The following CA10 variants were observed in gnomAD, a reference collection of about 807,000 sequenced individuals.
CA10 encodes the protein carbonic anhydrase-related protein 10.
A neutral mutation model predicts 44.2 loss-of-function variants in CA10; 14 were observed. That is an observed-to-expected ratio of 0.32 (90% confidence interval 0.21 to 0.50). The LOEUF is 0.50. Ranked by LOEUF, CA10 falls within the 20% of genes least tolerant of loss-of-function variation. The pLI, the probability that CA10 is intolerant of heterozygous loss-of-function variation, is 0.99. For missense variants in CA10, 350 were observed against 409.7 expected, an observed-to-expected ratio of 0.85 and a Z score of 1.26; for synonymous variants, 159 against 141.6, an observed-to-expected ratio of 1.12 and a Z score of -0.87.
At chr17:51,943,075 A>G (rs961293768) in intron 2 of CA10, among the ~76,000 whole-genome samples, 5 of 152,012 alleles carry the variant, frequency 3.3e-5, no homozygotes, top group African/African-American at 1.2e-4. Flanking sequence ...TCATTTCAAT[A>G]CCCCCAATAA....
chr17:52,077,415 C>T (rs147804424), intron 1 of CA10, among the ~76,000 whole-genome samples: 6 of 152,196 alleles, frequency 3.9e-5, no homozygotes, highest in African/African-American at 1.4e-4. Context: ...GGCTTTGAAG[C>T]CCATACTATT....
At chr17:52,080,736 A>T (rs1255815915) in intron 1 of CA10, among the ~76,000 whole-genome samples, 1 of 151,816 alleles carries the variant, frequency 6.6e-6, no homozygotes, top group East Asian at 1.9e-4. Context: ...TCCCCCCGAA[A>T]TTCCTTCTTT....
intron 2 of CA10, among the ~76,000 whole-genome samples, chr17:51,985,696 T>A (rs796762777): frequency 2.6e-5 from 4 of 152,074 alleles, no homozygotes; most frequent in African/African-American, 9.6e-5. Context: ...TCAGTAGCTG[T>A]CCTATACACC....
In CA10 at chr17:51,975,895, C is replaced by CA. The variant is rs796344636; in HGVS notation, c.137-44764dup. Among the ~76,000 whole-genome samples, 5 of 127,938 alleles carry CA rather than the reference C, an allele frequency of 3.9e-5. 1 individual carries two copies. Among genetic ancestry groups the CA allele is most frequent in the African/African-American group, 1.4e-4 (5 of 34,570 alleles). 83.9% of individuals were successfully genotyped at this position (127,938 alleles called of 152,430 possible). ...CGGAAAAAAAAAAAAAAAAAAAAAG[C>CA]AAGAGTCAACTATATGCTGTTTATA... On this transcript the variant is annotated intron_variant, in intron 2 of 8. Transcript: ENST00000451037.
intron 2 of CA10, among the ~76,000 whole-genome samples, chr17:51,961,177 A>G (rs532325912): frequency 1.0e-4 from 13 of 129,584 alleles, no homozygotes; most frequent in African/African-American, 3.7e-4. Flanking sequence ...CTCTCTCTGT[A>G]TGTACACACA....
intron 2 of CA10, among the ~76,000 whole-genome samples, chr17:51,939,881 G>A (rs1983011704): frequency 6.6e-6 from 1 of 151,768 alleles, no homozygotes; most frequent in Non-Finnish European, 1.5e-5. Flanking sequence ...TGCTATATAA[G>A]GATTTTACCA....
At chr17:51,663,231 G>T (rs113353504) in intron 4 of CA10, among the ~76,000 whole-genome samples, 150,069 of 150,070 alleles carry the variant, frequency 1, 75,034 homozygotes, top group Middle Eastern at 1. Context: ...AATGCGTTTC[G>T]AGACCACTTT....
chr17:52,053,332 T>G (rs1350675811), intron 2 of CA10, among the ~76,000 whole-genome samples: 2 of 151,842 alleles, frequency 1.3e-5, no homozygotes, highest in Non-Finnish European at 2.9e-5. Context: ...AACAAATAGA[T>G]AAACATAACC....
At chr17:51,818,208 T>C (rs1336494673) in intron 3 of CA10, among the ~76,000 whole-genome samples, 1 of 152,208 alleles carries the variant, frequency 6.6e-6, no homozygotes, top group Non-Finnish European at 1.5e-5. Context: ...GTAATCCTTA[T>C]CTTACCTCAC....
intron 3 of CA10, among the ~76,000 whole-genome samples, chr17:51,808,740 GT>G (rs1907236585): frequency 6.6e-6 from 1 of 152,162 alleles, no homozygotes; most frequent in African/African-American, 2.4e-5. Context: ...CATATAGCAT[GT>G]CTCAACTAAG....
chr17:52,113,363 G>A (rs561901875), intron 1 of CA10, among the ~76,000 whole-genome samples: 175 of 151,690 alleles, frequency 1.2e-3, no homozygotes, highest in Non-Finnish European at 1.8e-3. Context: ...TTTTCCTTAC[G>A]GCCAGGTTAA....
intron 1 of CA10, among the ~76,000 whole-genome samples, chr17:52,076,745 A>G (rs1443398330): frequency 6.6e-6 from 1 of 152,202 alleles, no homozygotes; most frequent in Admixed American, 6.5e-5. Flanking sequence ...GATCTCCTAG[A>G]GAAATACAGG....
rs374145687 is a variant in CA10, at chr17:51,677,886, C to CG, written c.466-24151_466-24150insC. On this transcript the variant is annotated intron_variant, in intron 4 of 8. Transcript: ENST00000451037. ...CAACAATGCCACTCCTAGGTATACA[C>CG]CCCCCCCCCCACCGGCTGCCAATTG... 7.3e-3 allele frequency among the ~76,000 whole-genome samples: 118 copies of CG among 16,270 alleles called. 1 individual carries two copies. Among genetic ancestry groups the CG allele is most frequent in the Middle Eastern group, 0.023 (1 of 44 alleles). The allele number at this position is 16,270 out of a possible 152,430, so 10.7% of individuals were successfully genotyped here.
intron 2 of CA10, among the ~76,000 whole-genome samples, chr17:52,067,817 G>A (rs1286862393): frequency 6.6e-6 from 1 of 152,236 alleles, no homozygotes; most frequent in Non-Finnish European, 1.5e-5. Context: ...CATGGGGCTT[G>A]TAGCCCATTT....
At chr17:51,906,550 G>A (rs1379425323) in intron 3 of CA10, among the ~76,000 whole-genome samples, 1 of 152,126 alleles carries the variant, frequency 6.6e-6, no homozygotes, top group African/African-American at 2.4e-5. Flanking sequence ...TCCCTGGATA[G>A]TCTAATGTAT....
At chr17:51,691,805 A>C (rs1396916746) in intron 4 of CA10, among the ~76,000 whole-genome samples, 1 of 152,104 alleles carries the variant, frequency 6.6e-6, no homozygotes, top group East Asian at 1.9e-4. Flanking sequence ...AGTTTTCCCA[A>C]CACCATTTAT....
chr17:51,688,084 A>T (rs148768098), intron 4 of CA10, among the ~76,000 whole-genome samples: 41 of 152,312 alleles, frequency 2.7e-4, no homozygotes, highest in African/African-American at 6.5e-4. Flanking sequence ...ATGTCATGTG[A>T]ACACTCAAGC....
At chr17:51,757,280 A>G (rs1021279548) in intron 3 of CA10, among the ~76,000 whole-genome samples, 5 of 151,936 alleles carry the variant, frequency 3.3e-5, no homozygotes, top group Admixed American at 6.6e-5. Context: ...TCGACGCAAG[A>G]AAAAAAAATT....
chr17:51,837,103 CAA>C (rs552875751), intron 3 of CA10, among the ~76,000 whole-genome samples: 1 of 148,440 alleles, frequency 6.7e-6, no homozygotes, highest in Non-Finnish European at 1.5e-5. Context: ...CACACACACA[CAA>C]ACACACATGC....
Sources: gnomAD v4.1 joint callset for allele counts (sites outside exome capture counted in the v4.1 genomes callset) on GRCh38, gnomAD v4.1.1 for gene constraint, MANE v1.5 for transcripts, NCBI Gene and HGNC (gene_info 2026-07-23, HGNC 2026-07-21) for gene names.